Variants in CIT observed in about 807,000 individuals in gnomAD.
CIT encodes citron Rho-interacting kinase.
A neutral mutation model predicts 272.7 loss-of-function variants in CIT; 79 were observed. The observed-to-expected ratio is 0.29, with a 90% CI of 0.24 to 0.35. The LOEUF is 0.35. Among genes scored for constraint, CIT ranks in the 10% least tolerant of loss-of-function variants. The pLI, the probability that CIT is intolerant of heterozygous loss-of-function variation, is 1.00. For synonymous variants in CIT, 948 were observed against 995.6 expected (o/e 0.95, Z 0.90); for missense variants, 1,909 against 2,618.3 (o/e 0.73, Z 5.91).
chr12:119,812,875 C>G (rs193101359), intron 9 of CIT, among the ~76,000 whole-genome samples: 1 of 151,974 alleles, frequency 6.6e-6, no homozygotes, highest in East Asian at 1.9e-4. Context: ...TCATGAAAAG[C>G]AGACATTTAT....
intron 10 of CIT, among the ~76,000 whole-genome samples, chr12:119,792,533 G>A (rs912074689): frequency 4.6e-5 from 7 of 151,968 alleles, no homozygotes; most frequent in African/African-American, 9.7e-5. Context: ...GCAGTGGTGC[G>A]ATCTCGGCTC....
intron 9 of CIT, among the ~76,000 whole-genome samples, chr12:119,808,933 T>C (rs1966751816): frequency 6.6e-6 from 1 of 152,306 alleles, no homozygotes; most frequent in East Asian, 1.9e-4. Flanking sequence ...AATATGTGTG[T>C]TGTTCAGAGG....
chr12:119,750,824 A>G (rs1399565925), intron 23 of CIT, among the ~76,000 whole-genome samples: 1 of 152,182 alleles, frequency 6.6e-6, no homozygotes, highest in African/African-American at 2.4e-5. Context: ...CGTGCATTAC[A>G]TCGAGGTAAA....
intron 13 of CIT, chr12:119,782,175 A>G (rs1964355840): frequency 5.8e-6 from 1 of 171,334 alleles, no homozygotes; most frequent in African/African-American, 2.4e-5. Flanking sequence ...TAAAAACGTA[A>G]CCCCATTCTT....
At chr12:119,835,171 G>A (rs1012155152) in intron 5 of CIT, among the ~76,000 whole-genome samples, 2 of 152,220 alleles carry the variant, frequency 1.3e-5, no homozygotes, top group Non-Finnish European at 2.9e-5. Context: ...ATGATAAACA[G>A]GTGTGATATT....
At chr12:119,748,152 G>T (rs1311057223) in intron 23 of CIT, among the ~76,000 whole-genome samples, 7 of 152,034 alleles carry the variant, frequency 4.6e-5, no homozygotes, top group Admixed American at 4.6e-4. Flanking sequence ...GTGACAGAGT[G>T]AGACCCTGTC....
intron 27 of CIT, among the ~76,000 whole-genome samples, chr12:119,729,569 TATATAATGAAA>T (rs547628495): frequency 9.8e-4 from 149 of 152,308 alleles, no homozygotes; most frequent in African/African-American, 3.5e-3. Flanking sequence ...TAAAGCTGTA[TATATAATGAAA>T]ATCTAATTTA....
At chr12:119,708,865 C>T (rs1016211873) in intron 39 of CIT, among the ~76,000 whole-genome samples, 44 of 152,128 alleles carry the variant, frequency 2.9e-4, no homozygotes, top group African/African-American at 1.0e-3. Flanking sequence ...ATTCTGCAGA[C>T]ATAAAATTGG....
Position 119,770,756 on chromosome 12 carries a change from T to C in CIT, c.2208+29A>G, listed in dbSNP as rs1194001284. The C allele has an allele frequency of 4.3e-6, 7 of 1,612,572 alleles. No individual in the cohort carries two copies. The South Asian group carries it at 6.6e-5, about 15-fold the overall frequency. On this transcript the variant is annotated intron_variant, in intron 18 of 47. Transcript: ENST00000392521. This position sits in a 1 kb window ranked among gnomAD's most constrained non-coding sequence, Gnocchi z 4.4. ...TTTGCAAACTCTAACCTGTTATCTT[T>C]TAACTTTGCGACTTTCATTCCTGCT...
At chr12:119,831,377 T>A (rs937037557) in intron 7 of CIT, among the ~76,000 whole-genome samples, 2 of 151,804 alleles carry the variant, frequency 1.3e-5, no homozygotes, top group Non-Finnish European at 2.9e-5. Context: ...AAAAGAATAG[T>A]GCTGAGGTTG....
At position 119,688,015 on chromosome 12, in the gene CIT, G is replaced by A. The variant is rs1955670938; in HGVS notation, c.*217C>T. 3.3e-6 allele frequency: 2 copies of A among 605,530 alleles called. No homozygotes were observed. The highest frequency in any genetic ancestry group is 5.9e-6 in the Non-Finnish European group (2 of 337,276). 37.5% of individuals were successfully genotyped at this position (605,530 alleles called of 1,614,324 possible). On this transcript the variant is annotated 3_prime_UTR_variant, in exon 48 of 48. Coordinates refer to ENST00000392521, the MANE Select transcript of CIT (RefSeq NM_001206999.2). Reference sequence around the variant, plus strand: ...AGTGCAAAGAGATGACTGCAGGGAGGTGCCCAGGGCAGGCACCGGGCGCTG... The same window carrying A: ...AGTGCAAAGAGATGACTGCAGGGAGATGCCCAGGGCAGGCACCGGGCGCTG...
chr12:119,717,791 T>C (rs1040490552), intron 32 of CIT, among the ~76,000 whole-genome samples: 2 of 150,000 alleles, frequency 1.3e-5, no homozygotes, highest in African/African-American at 2.5e-5. Flanking sequence ...TGTGGTCACA[T>C]ATATGAACCA....
chr12:119,724,276 G>C (rs1957967237), intron 28 of CIT, among the ~76,000 whole-genome samples: 1 of 152,118 alleles, frequency 6.6e-6, no homozygotes. Context: ...CAGTCACATG[G>C]TAAGTGCTAA....
chr12:119,768,436 T>G lies in CIT; in HGVS notation c.2209-1254A>C, dbSNP rs1962714098. On this transcript the variant is annotated intron_variant, in intron 18 of 47. Coordinates refer to ENST00000392521, the MANE Select transcript of CIT (RefSeq NM_001206999.2). The surrounding 1 kb of genome is among the most constrained non-coding windows in gnomAD (Gnocchi z 4.3). ...AACTCTTTATACTATTATGAAATTT[T>G]TCTTTGAAGTGGAAGCAATTATGAG... Among the ~76,000 whole-genome samples, 1 of 152,098 alleles carries G rather than the reference T, an allele frequency of 6.6e-6. No individual in the cohort carries two copies. The highest frequency in any genetic ancestry group is 2.4e-5 in the African/African-American group (1 of 41,328).
chr12:119,747,504 AG>A (rs1210822366), intron 23 of CIT, among the ~76,000 whole-genome samples: 1 of 151,768 alleles, frequency 6.6e-6, no homozygotes, highest in South Asian at 2.1e-4. Context: ...GTGGATCACA[AG>A]GTCAAGAGAT....
At chr12:119,745,776 T>A (rs1183236918) in intron 23 of CIT, among the ~76,000 whole-genome samples, 2 of 151,868 alleles carry the variant, frequency 1.3e-5, no homozygotes, top group African/African-American at 4.8e-5. Flanking sequence ...CACATGTATC[T>A]CAAAAATATG....
chr12:119,849,656 T>C (rs1344563389), intron 5 of CIT, among the ~76,000 whole-genome samples: 1 of 151,292 alleles, frequency 6.6e-6, no homozygotes, highest in Non-Finnish European at 1.5e-5. Context: ...AGCTACAATA[T>C]CCAACTGTCA....
rs1216437200 is a variant in CIT at position 119,776,762 on chromosome 12, A to G, written c.1746T>C (p.Ser582=). The change falls in exon 14 of 48, where the codon AGT becomes AGC. Residue 582 remains serine, a synonymous_variant. Coordinates refer to ENST00000392521, the MANE Select transcript of CIT (RefSeq NM_001206999.2). ...EEDLVSARRR[S]DLYESELRES... is the part of the protein sequence containing the mutation. ...CTCTCAGCTCAGATTCGTAGAGATC[A>G]CTCCGTCTTCTTGCTGAGACAAGAT... The G allele has an allele frequency of 1.2e-6, 2 of 1,614,072 alleles. No individual in the cohort carries two copies. The highest frequency in any genetic ancestry group is 1.6e-4 in the Middle Eastern group (1 of 6,062).
intron 5 of CIT, among the ~76,000 whole-genome samples, chr12:119,835,410 C>T (rs1487579998): frequency 6.6e-6 from 1 of 152,184 alleles, no homozygotes; most frequent in Non-Finnish European, 1.5e-5. Flanking sequence ...TTTCTTCCCC[C>T]CCACTTTACT....
Sources: allele counts gnomAD v4.1 joint callset (sites outside exome capture counted in the v4.1 genomes callset), GRCh38; gene constraint gnomAD v4.1.1; non-coding constraint Gnocchi (gnomAD v3.1); transcripts MANE v1.5; gene names NCBI Gene and HGNC (gene_info 2026-07-23, HGNC 2026-07-21).